Variants in RGS7 observed in about 807,000 individuals in gnomAD.
RGS7 encodes regulator of G protein signaling 7, also known as regulator of G-protein signaling 7.
A neutral mutation model predicts 81.1 loss-of-function variants in RGS7; 27 were observed. That is an observed-to-expected ratio of 0.33 (90% CI 0.25 to 0.46). The LOEUF (loss-of-function observed/expected upper bound fraction) is 0.46. Ranked by LOEUF, RGS7 falls within the 20% of genes least tolerant of loss-of-function variation. RGS7 has a pLI of 1.00. For synonymous variants in RGS7, 208 were observed against 207.7 expected (o/e 1.00, Z -0.01); for missense variants, 396 against 607.4 (o/e 0.65, Z 3.66).
chr1:241,261,979 T>C (rs528651655), intron 2 of RGS7, among the ~76,000 whole-genome samples: 1 of 152,202 alleles, frequency 6.6e-6, no homozygotes, highest in African/African-American at 2.4e-5. Context: ...ACAGATTTTT[T>C]GTTTGTTCAT....
intron 2 of RGS7, among the ~76,000 whole-genome samples, chr1:241,302,202 A>G (rs1261632379): frequency 6.6e-6 from 1 of 152,216 alleles, no homozygotes. Flanking sequence ...GAACAGCAGG[A>G]GGGTGAGTGG....
intron 6 of RGS7, among the ~76,000 whole-genome samples, chr1:240,912,359 G>A (rs1334851414): frequency 6.6e-6 from 1 of 151,590 alleles, no homozygotes; most frequent in East Asian, 1.9e-4. Context: ...ATTTGTCCCA[G>A]TAAACTAAAT....
At chr1:240,822,181 C>T (rs1691916113) in intron 10 of RGS7, among the ~76,000 whole-genome samples, 1 of 152,166 alleles carries the variant, frequency 6.6e-6, no homozygotes, top group Non-Finnish European at 1.5e-5. Context: ...CAAAGGCTGA[C>T]CTCCCCTGAG....
At chr1:240,902,974 A>G (rs1558440666) in intron 6 of RGS7, among the ~76,000 whole-genome samples, 1 of 152,178 alleles carries the variant, frequency 6.6e-6, no homozygotes, top group East Asian at 1.9e-4. Flanking sequence ...GTTATCTTGT[A>G]TTTTCTTTCC....
chr1:241,070,662 A>G (rs2062382856), intron 3 of RGS7, among the ~76,000 whole-genome samples: 1 of 152,216 alleles, frequency 6.6e-6, no homozygotes, highest in Non-Finnish European at 1.5e-5. Context: ...GCCCATGGGC[A>G]CAACAGCAAA....
chr1:241,164,315 A>C lies in RGS7; in HGVS notation c.79-65553T>G, dbSNP rs2069996126. On this transcript the variant is annotated intron_variant, in intron 2 of 18. Transcript: ENST00000440928. The surrounding 1 kb of genome is among the most constrained non-coding windows in gnomAD (Gnocchi z 4.1). Reference sequence around the variant, plus strand: ...CTTCATTATGTAAGCATGATTGACTAAACCTTTGGCCATTGGTGGTCAACT... The same window carrying C: ...CTTCATTATGTAAGCATGATTGACTCAACCTTTGGCCATTGGTGGTCAACT... 6.6e-6 allele frequency among the ~76,000 whole-genome samples: 1 copy of C among 151,754 alleles called. No homozygotes were observed. The highest frequency in any genetic ancestry group is 1.5e-5 in the Non-Finnish European group (1 of 67,956).
intron 2 of RGS7, among the ~76,000 whole-genome samples, chr1:241,100,057 T>C (rs993139337): frequency 6.6e-6 from 1 of 152,072 alleles, no homozygotes; most frequent in African/African-American, 2.4e-5. Flanking sequence ...AAAAACACAG[T>C]CTAAACTTTA....
intron 3 of RGS7, among the ~76,000 whole-genome samples, chr1:241,021,281 G>A (rs558897172): frequency 3.9e-5 from 6 of 152,294 alleles, no homozygotes; most frequent in Non-Finnish European, 7.4e-5. Context: ...GCATATGCAA[G>A]GGGTGGGGTG....
intron 4 of RGS7, among the ~76,000 whole-genome samples, chr1:240,981,196 G>A (rs1684862270): frequency 1.3e-5 from 2 of 151,936 alleles, no homozygotes; most frequent in Admixed American, 1.3e-4. Context: ...TGCAACCTCC[G>A]CCTCCTGGGT....
chr1:240,835,127 A>G (rs930116488), intron 9 of RGS7, among the ~76,000 whole-genome samples: 1 of 152,206 alleles, frequency 6.6e-6, no homozygotes, highest in Admixed American at 6.5e-5. Flanking sequence ...ATTAAAATTA[A>G]AAACTTCTGT....
At chr1:240,899,422 C>T (rs552919291) in intron 6 of RGS7, among the ~76,000 whole-genome samples, 1 of 152,162 alleles carries the variant, frequency 6.6e-6, no homozygotes, top group Non-Finnish European at 1.5e-5. Flanking sequence ...ATGGCTGGTA[C>T]CAGTTGTTCC....
chr1:241,300,459 C>G (rs1172577287), intron 2 of RGS7, among the ~76,000 whole-genome samples: 1 of 152,222 alleles, frequency 6.6e-6, no homozygotes, highest in Admixed American at 6.5e-5. Context: ...AACCACTAAT[C>G]TTTTCACCAT....
intron 4 of RGS7, among the ~76,000 whole-genome samples, chr1:240,972,536 G>A (rs558974703): frequency 9.1e-6 from 1 of 110,400 alleles, no homozygotes; most frequent in South Asian, 3.7e-4. Context: ...TCACACTCTG[G>A]GGACTGTGGT....
At chr1:241,213,348 A>G (rs1422227618) in intron 2 of RGS7, among the ~76,000 whole-genome samples, 2 of 152,156 alleles carry the variant, frequency 1.3e-5, no homozygotes, top group Non-Finnish European at 2.9e-5. Flanking sequence ...AAGTTAGCTG[A>G]CTCAGGCTGT....
chr1:240,963,698 G>C (rs1030163075), intron 4 of RGS7, among the ~76,000 whole-genome samples: 1 of 152,218 alleles, frequency 6.6e-6, no homozygotes, highest in Admixed American at 6.5e-5. Context: ...GAGGAATTAA[G>C]AGACAGTAAA....
intron 6 of RGS7, among the ~76,000 whole-genome samples, chr1:240,927,493 C>T (rs1674659662): frequency 6.6e-6 from 1 of 152,196 alleles, no homozygotes; most frequent in African/African-American, 2.4e-5. Flanking sequence ...CATCAATATC[C>T]TCTTTAAAAG....
chr1:241,129,900 G>C (rs560329205), intron 2 of RGS7, among the ~76,000 whole-genome samples: 6 of 152,272 alleles, frequency 3.9e-5, no homozygotes, highest in African/African-American at 1.4e-4. Context: ...GTGCATCTGA[G>C]ATCTAATATT....
intron 2 of RGS7, among the ~76,000 whole-genome samples, chr1:241,227,570 C>CAAAAAAAAA (rs5782179): frequency 2.9e-5 from 3 of 103,726 alleles, no homozygotes; most frequent in East Asian, 2.8e-4. Context: ...CTGTCTCTAC[C>CAAAAAAAAA]AAAAAAAAAA....
intron 18 of RGS7, among the ~76,000 whole-genome samples, chr1:240,785,256 C>A (rs968414844): frequency 3.7e-4 from 57 of 152,164 alleles, no homozygotes; most frequent in Non-Finnish European, 3.4e-4. Context: ...CTTTGGCTGG[C>A]CCTTGTGCCT....
Sources: allele counts gnomAD v4.1 joint callset (sites outside exome capture counted in the v4.1 genomes callset), GRCh38; gene constraint gnomAD v4.1.1; non-coding constraint Gnocchi (gnomAD v3.1); transcripts MANE v1.5; gene names NCBI Gene and HGNC (gene_info 2026-07-23, HGNC 2026-07-21).